DGKB: variants seen among roughly 807,000 people sequenced by gnomAD.
The protein encoded by DGKB is diacylglycerol kinase beta.
Under a neutral mutation model 114.3 loss-of-function variants are expected in DGKB, and 67 were observed. The ratio of observed to expected loss-of-function variants is 0.59; its 90% CI spans 0.48 to 0.72. DGKB has a LOEUF of 0.72. Ranked by LOEUF, DGKB falls within the 30% of genes least tolerant of loss-of-function variation. The pLI, the probability that DGKB is intolerant of heterozygous loss-of-function variation, is 0.00. For synonymous variants in DGKB, 398 were observed against 323.1 expected, an observed-to-expected ratio of 1.23 and a Z score of -2.49; for missense variants, 907 against 975.2, an observed-to-expected ratio of 0.93 and a Z score of 0.93.
chr7:14,685,953 T>C (rs896879939), intron 9 of DGKB, among the ~76,000 whole-genome samples: 2 of 152,182 alleles, frequency 1.3e-5, no homozygotes, highest in South Asian at 2.1e-4. Context: ...TATTAATACA[T>C]TGAGTATGCC....
In DGKB at chr7:14,576,151, C is replaced by T. The variant is rs1045860410; in HGVS notation, c.1610-1779G>A. 6.6e-5 allele frequency among the ~76,000 whole-genome samples: 10 copies of T among 152,032 alleles called. No homozygotes were observed. In the South Asian group the frequency reaches 8.3e-4, roughly 13 times the overall value. ...TTGGGTCTATTCAGGGTGGTATGGC[C>T]ATAGACTAAATACTATTTAAAAAGC... On this transcript the variant is annotated intron_variant, in intron 19 of 25. Coordinates refer to ENST00000402815, the MANE Select transcript of DGKB (RefSeq NM_001350709.2).
chr7:14,612,137 A>C (rs1805657391), intron 16 of DGKB, among the ~76,000 whole-genome samples: 2 of 113,780 alleles, frequency 1.8e-5, no homozygotes. Context: ...ACTGATGAAA[A>C]GAAAAAATCT....
At chr7:14,878,873 A>T (rs1349476801) in intron 1 of DGKB, among the ~76,000 whole-genome samples, 1 of 152,142 alleles carries the variant, frequency 6.6e-6, no homozygotes, top group African/African-American at 2.4e-5. Context: ...ATCCATTGCA[A>T]ATCTTGCATA....
intron 15 of DGKB, among the ~76,000 whole-genome samples, chr7:14,614,190 T>C (rs1806110830): frequency 6.6e-6 from 1 of 152,118 alleles, no homozygotes; most frequent in Non-Finnish European, 1.5e-5. Flanking sequence ...AATACATATT[T>C]AGCAATGAAA....
chr7:14,283,498 A>T (rs1005192511), intron 23 of DGKB, among the ~76,000 whole-genome samples: 11 of 150,532 alleles, frequency 7.3e-5, no homozygotes, highest in Non-Finnish European at 1.2e-4. Flanking sequence ...TTCTTCACAG[A>T]ATTGGAAAAA....
chr7:14,222,498 G>A (rs188615740), intron 23 of DGKB, among the ~76,000 whole-genome samples: 251 of 151,270 alleles, frequency 1.7e-3, no homozygotes, highest in Middle Eastern at 6.8e-3. Context: ...TGCCAAACAT[G>A]TTTTGTATTA....
chr7:14,810,199 C>T (rs1843251811), intron 2 of DGKB, among the ~76,000 whole-genome samples: 1 of 152,198 alleles, frequency 6.6e-6, no homozygotes, highest in Non-Finnish European at 1.5e-5. Context: ...AGGTCAATGA[C>T]ACAAGCACCC....
intron 21 of DGKB, among the ~76,000 whole-genome samples, chr7:14,388,246 A>G (rs1213199061): frequency 1.5e-5 from 2 of 130,262 alleles, no homozygotes; most frequent in South Asian, 2.6e-4. Context: ...TGGTAAAATG[A>G]TCCTGAAATA....
At chr7:14,169,156 A>C (rs2128234144) in intron 25 of DGKB, among the ~76,000 whole-genome samples, 1 of 151,744 alleles carries the variant, frequency 6.6e-6, no homozygotes, top group African/African-American at 2.4e-5. Flanking sequence ...TCAGGAGATC[A>C]AGACCACCCT....
rs115745644 is a variant in DGKB, at chr7:14,178,042, G to A, written c.2232C>T (p.Cys744=). ...SAGRRLAQCS[C]VVIRTSKSLP... is the part of the protein sequence containing the mutation. ...AGAAAGGGAACTACCTGATGACCAC[G>A]CAGGAGCACTGAGCCAGCCGCCGGC... The change falls in exon 24 of 26, where the codon TGC becomes TGT. Residue 744 remains cysteine, a synonymous_variant. Coordinates refer to ENST00000402815, the MANE Select transcript of DGKB (RefSeq NM_001350709.2). The A allele has an allele frequency of 1.6e-4, 253 of 1,583,228 alleles. 1 individual carries two copies. In the African/African-American group the frequency reaches 2.4e-3, roughly 15 times the overall value.
chr7:14,632,669 A>G (rs1352468453), intron 13 of DGKB, among the ~76,000 whole-genome samples: 1 of 151,780 alleles, frequency 6.6e-6, no homozygotes, highest in East Asian at 1.9e-4. Flanking sequence ...GTTGGGAGAG[A>G]AGTCATAGGA....
At chr7:14,703,062 T>TG (rs55845503) in intron 6 of DGKB, among the ~76,000 whole-genome samples, 16 of 151,612 alleles carry the variant, frequency 1.1e-4, no homozygotes, top group African/African-American at 3.1e-4. Flanking sequence ...AGTCAATAAA[T>TG]AAAATGCAGA....
intron 21 of DGKB, among the ~76,000 whole-genome samples, chr7:14,364,358 T>C (rs972266399): frequency 6.6e-6 from 1 of 150,524 alleles, no homozygotes; most frequent in Non-Finnish European, 1.5e-5. Flanking sequence ...TGGGGATTAC[T>C]GGCTTAAACA....
intron 25 of DGKB, among the ~76,000 whole-genome samples, chr7:14,167,980 A>G (rs1367228135): frequency 6.6e-6 from 1 of 152,234 alleles, no homozygotes; most frequent in Admixed American, 6.5e-5. Context: ...ATAGCCAATG[A>G]TGCAAACCCT....
rs558952778 is a variant in DGKB, at chr7:14,974,541, T to C, written c.-188+155A>G. Among the ~76,000 whole-genome samples the C allele has an allele frequency of 3.9e-5, 6 of 152,226 alleles. No individual in the cohort carries two copies. The South Asian group carries it at 1.2e-3, about 32-fold the overall frequency. On this transcript the variant is annotated intron_variant, in intron 1 of 4. Coordinates refer to the DGKB transcript ENST00000437998. ...CACCTATCTAGACTATTTGTTCCTA[T>C]AACTGAATTGTACTTTAAGTGCAAA...
chr7:14,510,976 G>T (rs1321695952), intron 20 of DGKB, among the ~76,000 whole-genome samples: 1 of 152,158 alleles, frequency 6.6e-6, no homozygotes, highest in Admixed American at 6.6e-5. Context: ...AAACAATGCT[G>T]TAAACAAACG....
At chr7:14,183,732 C>T (rs778224942) in intron 23 of DGKB, among the ~76,000 whole-genome samples, 2 of 152,114 alleles carry the variant, frequency 1.3e-5, no homozygotes, top group Non-Finnish European at 2.9e-5. Context: ...ACTCTAAATT[C>T]CATGTTACTG....
At chr7:14,501,365 T>C (rs1786143855) in intron 20 of DGKB, among the ~76,000 whole-genome samples, 1 of 108,986 alleles carries the variant, frequency 9.2e-6, no homozygotes, top group African/African-American at 3.9e-5. Context: ...TGGTTATGGC[T>C]TTTGTCTGAT....
intron 21 of DGKB, among the ~76,000 whole-genome samples, chr7:14,410,973 C>G (rs1221919366): frequency 1.3e-5 from 2 of 152,122 alleles, no homozygotes. Flanking sequence ...GATACACATT[C>G]AATAGAAACC....
Sources: gnomAD v4.1 joint callset for allele counts (sites outside exome capture counted in the v4.1 genomes callset) on GRCh38, gnomAD v4.1.1 for gene constraint, MANE v1.5 for transcripts, NCBI Gene and HGNC (gene_info 2026-07-23, HGNC 2026-07-21) for gene names.